The following KCNH5 variants were observed in gnomAD, a reference collection of about 807,000 sequenced individuals.
KCNH5 encodes the protein potassium voltage-gated channel subfamily H member 5.
KCNH5 carries 46 observed loss-of-function variants against 96.1 expected under a neutral mutation model. That is an observed-to-expected ratio of 0.48 (90% CI 0.38 to 0.61). KCNH5 has a LOEUF of 0.61. Among genes scored for constraint, KCNH5 ranks in the 20% least tolerant of loss-of-function variants. The pLI is 0.00. For missense variants in KCNH5, 907 were observed against 1,225.8 expected (o/e 0.74, Z 3.88); for synonymous variants, 439 against 449.8 (o/e 0.98, Z 0.30).
At chr14:62,838,823 G>A (rs1185681259) in intron 8 of KCNH5, among the ~76,000 whole-genome samples, 51 of 152,060 alleles carry the variant, frequency 3.4e-4, no homozygotes, top group Admixed American at 3.3e-3. Flanking sequence ...ACATGTGTTG[G>A]AAAGAGTAAA....
intron 1 of KCNH5, among the ~76,000 whole-genome samples, chr14:63,034,920 T>C (rs1411914967): frequency 6.6e-6 from 1 of 152,184 alleles, no homozygotes; most frequent in Non-Finnish European, 1.5e-5. Flanking sequence ...AAAAAATGAG[T>C]TTCTAAAATG....
chr14:62,739,412 C>T (rs1010735952), intron 10 of KCNH5, among the ~76,000 whole-genome samples: 3 of 152,130 alleles, frequency 2.0e-5, no homozygotes, highest in Non-Finnish European at 4.4e-5. Context: ...TAACAACCTA[C>T]AGTCAAAATG....
intron 8 of KCNH5, among the ~76,000 whole-genome samples, chr14:62,816,695 T>C (rs2140012741): frequency 6.6e-6 from 1 of 152,146 alleles, no homozygotes; most frequent in African/African-American, 2.4e-5. Flanking sequence ...GCATAAATAA[T>C]ATATAAGAAA....
chr14:63,039,760 C>A (rs1891787670), intron 1 of KCNH5, among the ~76,000 whole-genome samples: 1 of 152,000 alleles, frequency 6.6e-6, no homozygotes, highest in African/African-American at 2.4e-5. Flanking sequence ...AAAATAAATT[C>A]TAATAATTAA....
intron 6 of KCNH5, among the ~76,000 whole-genome samples, chr14:62,965,316 C>T (rs1890286122): frequency 6.6e-6 from 1 of 151,998 alleles, no homozygotes; most frequent in African/African-American, 2.4e-5. Context: ...CGTCTTCATA[C>T]CATTCTCATG....
chr14:62,785,050 T>C (rs1234310126), intron 9 of KCNH5, among the ~76,000 whole-genome samples: 3 of 152,226 alleles, frequency 2.0e-5, no homozygotes, highest in Non-Finnish European at 4.4e-5. Flanking sequence ...TGTTTCATTA[T>C]ATAGAATTTT....
At chr14:62,975,711 G>A (rs1267794427) in intron 6 of KCNH5, among the ~76,000 whole-genome samples, 4 of 151,700 alleles carry the variant, frequency 2.6e-5, no homozygotes, top group Non-Finnish European at 5.9e-5. Flanking sequence ...AGAGATTAAA[G>A]GAAAGTTCAA....
chr14:62,744,936 A>G (rs1246112809), intron 10 of KCNH5, among the ~76,000 whole-genome samples: 1 of 152,204 alleles, frequency 6.6e-6, no homozygotes, highest in Non-Finnish European at 1.5e-5. Flanking sequence ...AATCTGAAGG[A>G]CTGTCTGGCA....
intron 7 of KCNH5, among the ~76,000 whole-genome samples, chr14:62,852,617 C>CT: frequency 6.7e-6 from 1 of 149,912 alleles, no homozygotes; most frequent in East Asian, 1.9e-4. Flanking sequence ...GCCAGTTTTT[C>CT]TTTTTTTCGT....
At chr14:62,717,278 T>C (rs764506662) in intron 10 of KCNH5, among the ~76,000 whole-genome samples, 17 of 152,176 alleles carry the variant, frequency 1.1e-4, no homozygotes, top group Non-Finnish European at 2.1e-4. Flanking sequence ...CAGAAATTGA[T>C]AAACTGACTC....
intron 6 of KCNH5, among the ~76,000 whole-genome samples, chr14:62,952,254 T>TG (rs1371846495): frequency 2.0e-5 from 3 of 152,072 alleles, no homozygotes; most frequent in East Asian, 1.9e-4. Context: ...CTTTAACACT[T>TG]GGGGGAAAAA....
intron 7 of KCNH5, among the ~76,000 whole-genome samples, chr14:62,888,606 G>A (rs17100497): frequency 0.16 from 24,281 of 151,930 alleles, 2,157 homozygotes; most frequent in East Asian, 0.28. Context: ...CTGTCTTATG[G>A]GATTTTAAGG....
intron 8 of KCNH5, among the ~76,000 whole-genome samples, chr14:62,827,920 CAT>C (rs112971791): frequency 3.9e-5 from 6 of 152,248 alleles, no homozygotes; most frequent in African/African-American, 1.4e-4. Context: ...TTCTCTATTA[CAT>C]GTTTGCACCC....
At chr14:62,977,226 G>C (rs1890518149) in intron 6 of KCNH5, among the ~76,000 whole-genome samples, 1 of 152,076 alleles carries the variant, frequency 6.6e-6, no homozygotes. Context: ...AATTAGCCGA[G>C]TGTGGTGGTG....
rs531667236 is a variant in KCNH5, at chr14:62,909,212, A to ATT, written c.1369+40919_1369+40920dup. 2.8e-3 allele frequency among the ~76,000 whole-genome samples: 422 copies of ATT among 149,672 alleles called. 1 individual carries two copies. The highest frequency in any genetic ancestry group is 9.7e-3 in the African/African-American group (393 of 40,558). ...AGGCGCCCGCCACTACGCCCGGCTA[A>ATT]TTTTTTGTATTTTTAGTAGAGACGG... On this transcript the variant is annotated intron_variant, in intron 7 of 10. Transcript: ENST00000322893.
intron 9 of KCNH5, among the ~76,000 whole-genome samples, chr14:62,795,565 A>C (rs1372853923): frequency 6.6e-6 from 1 of 152,162 alleles, no homozygotes; most frequent in Non-Finnish European, 1.5e-5. Context: ...ATTTTACGTA[A>C]GGGACTTCAG....
chr14:63,010,795 G>T (rs998267155), intron 2 of KCNH5, among the ~76,000 whole-genome samples: 1 of 152,120 alleles, frequency 6.6e-6, no homozygotes, highest in Admixed American at 6.5e-5. Context: ...AGTACCTAGC[G>T]TAAGAATGGC....
chr14:62,980,512 C>G (rs1890585723), intron 6 of KCNH5, among the ~76,000 whole-genome samples: 1 of 152,048 alleles, frequency 6.6e-6, no homozygotes, highest in Non-Finnish European at 1.5e-5. Flanking sequence ...GTGGTTTTTG[C>G]CATTAAAAGT....
intron 7 of KCNH5, among the ~76,000 whole-genome samples, chr14:62,911,738 C>A (rs1292022711): frequency 1.4e-5 from 2 of 146,940 alleles, no homozygotes. Flanking sequence ...TTTTTTTTAA[C>A]TCAAAAACTG....
Sources: gnomAD v4.1 joint callset for allele counts (sites outside exome capture counted in the v4.1 genomes callset) on GRCh38, gnomAD v4.1.1 for gene constraint, MANE v1.5 for transcripts, NCBI Gene and HGNC (gene_info 2026-07-23, HGNC 2026-07-21) for gene names.